The following RPS6KC1 variants were observed in gnomAD, a reference collection of about 807,000 sequenced individuals.
The protein encoded by RPS6KC1 is ribosomal protein S6 kinase C1, also known as inactive ribosomal protein S6 kinase delta-1.
A neutral mutation model predicts 103.8 loss-of-function variants in RPS6KC1; 54 were observed. The ratio of observed to expected loss-of-function variants is 0.52; its 90% CI spans 0.42 to 0.65. The LOEUF (loss-of-function observed/expected upper bound fraction) is 0.65. Ranked by LOEUF, RPS6KC1 falls within the 30% of genes least tolerant of loss-of-function variation. The pLI is 0.00. For synonymous variants in RPS6KC1, 439 were observed against 438.7 expected (o/e 1.00, Z -0.01); for missense variants, 1,151 against 1,253.8 (o/e 0.92, Z 1.24).
the RPS6KC1 span, among the ~76,000 whole-genome samples, chr1:213,692,485 T>C: frequency 6.6e-6 from 1 of 152,292 alleles, no homozygotes; most frequent in Admixed American, 6.5e-5. Context: ...TTCAAGCGTA[T>C]GGTTTGACCT....
At chr1:213,712,735 G>A in the RPS6KC1 span, among the ~76,000 whole-genome samples, 2 of 152,178 alleles carry the variant, frequency 1.3e-5, no homozygotes, top group Non-Finnish European at 2.9e-5. Context: ...CTCACTGCAG[G>A]ATCCCTCACA....
At chr1:213,754,451 G>A in the RPS6KC1 span, among the ~76,000 whole-genome samples, 2 of 152,160 alleles carry the variant, frequency 1.3e-5, no homozygotes, top group African/African-American at 2.4e-5. Flanking sequence ...GTGGGGCCTG[G>A]GGGGAGGTGA....
At chr1:213,599,024 C>T in the RPS6KC1 span, among the ~76,000 whole-genome samples, 58 of 152,080 alleles carry the variant, frequency 3.8e-4, 1 homozygote, top group Non-Finnish European at 1.8e-4. Context: ...TGTAAGACTA[C>T]GTCTTACATT....
the RPS6KC1 span, among the ~76,000 whole-genome samples, chr1:213,653,799 T>C: frequency 6.6e-6 from 1 of 152,220 alleles, no homozygotes. Flanking sequence ...CTAGTTTCCT[T>C]AGGTTGGTAT....
At chr1:213,735,279 A>T in the RPS6KC1 span, among the ~76,000 whole-genome samples, 4 of 152,240 alleles carry the variant, frequency 2.6e-5, no homozygotes, top group East Asian at 3.8e-4. Context: ...CAGAGTGTCC[A>T]GGATAGCTAC....
the RPS6KC1 span, among the ~76,000 whole-genome samples, chr1:213,392,270 A>T: frequency 6.6e-6 from 1 of 152,110 alleles, no homozygotes; most frequent in Non-Finnish European, 1.5e-5. Context: ...AGCACTGCTC[A>T]TGAACAGCTG....
the RPS6KC1 span, among the ~76,000 whole-genome samples, chr1:213,385,574 A>T: frequency 2.4e-4 from 37 of 152,328 alleles, no homozygotes; most frequent in African/African-American, 8.7e-4. Flanking sequence ...TGAGGACTTG[A>T]CAGAGTGGGG....
At chr1:213,566,955 G>A in the RPS6KC1 span, among the ~76,000 whole-genome samples, 1 of 152,180 alleles carries the variant, frequency 6.6e-6, no homozygotes, top group East Asian at 1.9e-4. Context: ...GCTTCCTTAT[G>A]TGCTCTTTTA....
At chr1:213,266,162 T>C (rs1175555465) in intron 14 of RPS6KC1, among the ~76,000 whole-genome samples, 1 of 152,160 alleles carries the variant, frequency 6.6e-6, no homozygotes, top group South Asian at 2.1e-4. Context: ...TATATTGGAA[T>C]TATAGGGCTA....
At chr1:213,280,837 A>C in the RPS6KC1 span, among the ~76,000 whole-genome samples, 2 of 152,222 alleles carry the variant, frequency 1.3e-5, no homozygotes, top group African/African-American at 4.8e-5. Flanking sequence ...TGTCTTTAAC[A>C]GGTGGGATTT....
chr1:213,792,111 C>T, the RPS6KC1 span, among the ~76,000 whole-genome samples: 1 of 152,128 alleles, frequency 6.6e-6, no homozygotes, highest in Non-Finnish European at 1.5e-5. Context: ...CCCACCCTTT[C>T]CTCCTGCTCT....
At chr1:213,626,858 G>A in the RPS6KC1 span, among the ~76,000 whole-genome samples, 2 of 152,122 alleles carry the variant, frequency 1.3e-5, no homozygotes, top group Non-Finnish European at 2.9e-5. Flanking sequence ...GCCAGGTAGC[G>A]TGATGCCTCC....
the RPS6KC1 span, among the ~76,000 whole-genome samples, chr1:213,306,617 A>G: frequency 1.3e-5 from 2 of 152,328 alleles, no homozygotes; most frequent in African/African-American, 4.8e-5. Flanking sequence ...GGAGAATGTT[A>G]TGATTTAGCT....
chr1:213,159,902 A>G (rs1445340947), intron 6 of RPS6KC1, among the ~76,000 whole-genome samples: 1 of 152,238 alleles, frequency 6.6e-6, no homozygotes. Context: ...GTGGATATCT[A>G]CGATTATTTT....
chr1:213,187,760 A>G (rs918946062), intron 8 of RPS6KC1, among the ~76,000 whole-genome samples: 3 of 151,122 alleles, frequency 2.0e-5, no homozygotes, highest in African/African-American at 7.3e-5. Flanking sequence ...GGTATATTTT[A>G]TGTCTTTGCA....
chr1:213,268,085 C>A (rs2094953072), intron 14 of RPS6KC1, among the ~76,000 whole-genome samples: 1 of 151,698 alleles, frequency 6.6e-6, no homozygotes. Flanking sequence ...TCAACAGACC[C>A]TATGTAGGAA....
intron 12 of RPS6KC1, among the ~76,000 whole-genome samples, chr1:213,243,706 G>T (rs2094404296): frequency 6.6e-6 from 1 of 152,146 alleles, no homozygotes; most frequent in South Asian, 2.1e-4. Context: ...AGCCTCTTTG[G>T]ATGGCCAGAG....
intron 3 of RPS6KC1, among the ~76,000 whole-genome samples, chr1:213,082,944 C>G (rs2080037911): frequency 6.6e-6 from 1 of 152,164 alleles, no homozygotes; most frequent in African/African-American, 2.4e-5. Context: ...CACATCCTCT[C>G]AAATAGTAGG....
the RPS6KC1 span, among the ~76,000 whole-genome samples, chr1:213,746,178 A>T: frequency 4.6e-5 from 7 of 152,234 alleles, no homozygotes; most frequent in African/African-American, 1.4e-4. Context: ...TTATCAGGTG[A>T]TGACTACTAT....
Sources: allele counts gnomAD v4.1 joint callset (sites outside exome capture counted in the v4.1 genomes callset), GRCh38; gene constraint gnomAD v4.1.1; transcripts MANE v1.5; gene names NCBI Gene and HGNC (gene_info 2026-07-23, HGNC 2026-07-21).